Variants in CSTPP1 observed in about 807,000 individuals in gnomAD.
CSTPP1 encodes UPF0705 protein C11orf49.
chr11:47,036,242 TTA>T, the CSTPP1 span, among the ~76,000 whole-genome samples: 5 of 45,178 alleles, frequency 1.1e-4, 1 homozygote, highest in Admixed American at 1.0e-3. Context: ...TATATTATAT[TTA>T]TATATTATAT....
the CSTPP1 span, among the ~76,000 whole-genome samples, chr11:47,158,800 A>C: frequency 5.3e-5 from 8 of 152,210 alleles, no homozygotes; most frequent in East Asian, 1.5e-3. Context: ...CTCCCAAAGT[A>C]CTGGGATTAC....
the CSTPP1 span, among the ~76,000 whole-genome samples, chr11:47,079,070 G>A: frequency 2.6e-5 from 4 of 152,174 alleles, no homozygotes; most frequent in Non-Finnish European, 5.9e-5. Flanking sequence ...GCTTGCTCAA[G>A]GAGAGTCAGT....
At chr11:47,101,197 T>TTTTTTTTTTTG in the CSTPP1 span, among the ~76,000 whole-genome samples, 1 of 136,820 alleles carries the variant, frequency 7.3e-6, no homozygotes, top group Admixed American at 7.5e-5. Flanking sequence ...TTTATTTTAT[T>TTTTTTTTTTTG]TTTAGTAGAG....
the CSTPP1 span, among the ~76,000 whole-genome samples, chr11:47,028,166 G>A: frequency 6.6e-6 from 1 of 152,000 alleles, no homozygotes; most frequent in Non-Finnish European, 1.5e-5. Context: ...CTTGTGATCC[G>A]CCCGCCTCGG....
the CSTPP1 span, among the ~76,000 whole-genome samples, chr11:46,941,917 A>G: frequency 6.6e-6 from 1 of 152,224 alleles, no homozygotes; most frequent in African/African-American, 2.4e-5. Flanking sequence ...CTTTAGGATT[A>G]TGGTGTAAAT....
At chr11:47,123,805 A>G in the CSTPP1 span, among the ~76,000 whole-genome samples, 1 of 152,196 alleles carries the variant, frequency 6.6e-6, no homozygotes, top group Non-Finnish European at 1.5e-5. Flanking sequence ...ATTCAAGACC[A>G]GCCTGGCCAA....
At chr11:47,017,948 G>A in the CSTPP1 span, among the ~76,000 whole-genome samples, 3 of 152,172 alleles carry the variant, frequency 2.0e-5, no homozygotes, top group Admixed American at 6.5e-5. Context: ...TATTACAGGC[G>A]TGAGCCACTG....
the CSTPP1 span, chr11:47,052,461 A>G: frequency 6.2e-7 from 1 of 1,613,888 alleles, no homozygotes; most frequent in African/African-American, 1.3e-5. Context: ...CCCCCACAAT[A>G]GGGTATCATT....
chr11:46,966,320 C>T, the CSTPP1 span, among the ~76,000 whole-genome samples: 2 of 152,170 alleles, frequency 1.3e-5, no homozygotes, highest in African/African-American at 4.8e-5. Context: ...GGATTACAGG[C>T]GTGAGCCACC....
At chr11:47,074,430 G>T in the CSTPP1 span, among the ~76,000 whole-genome samples, 1 of 150,600 alleles carries the variant, frequency 6.6e-6, no homozygotes, top group Non-Finnish European at 1.5e-5. Context: ...AGCTCAGGAG[G>T]TTGAGGCTGC....
the CSTPP1 span, among the ~76,000 whole-genome samples, chr11:47,010,813 G>C: frequency 6.6e-6 from 1 of 152,114 alleles, no homozygotes; most frequent in Non-Finnish European, 1.5e-5. Flanking sequence ...GTAATATTTA[G>C]ATTTTGTTTG....
At chr11:47,048,188 CAG>C in the CSTPP1 span, among the ~76,000 whole-genome samples, 1 of 152,174 alleles carries the variant, frequency 6.6e-6, no homozygotes, top group Non-Finnish European at 1.5e-5. Context: ...GGAACTGAAA[CAG>C]ATACTTGTAT....
At chr11:47,041,796 G>T in the CSTPP1 span, 1 of 496,854 alleles carries the variant, frequency 2.0e-6, no homozygotes, top group South Asian at 1.8e-5. Flanking sequence ...CTGTGGAGAT[G>T]ATCAGAATAC....
At chr11:47,157,303 T>G in the CSTPP1 span, 3 of 1,425,908 alleles carry the variant, frequency 2.1e-6, no homozygotes, top group Admixed American at 2.8e-5. Flanking sequence ...CAGGATGTTC[T>G]GCGCGGCCCA....
chr11:47,093,190 G>A, the CSTPP1 span, among the ~76,000 whole-genome samples: 2 of 152,182 alleles, frequency 1.3e-5, no homozygotes, highest in Admixed American at 6.5e-5. Flanking sequence ...AGATATAAGT[G>A]TAATAAATAT....
the CSTPP1 span, among the ~76,000 whole-genome samples, chr11:47,058,348 T>C: frequency 6.6e-6 from 1 of 151,164 alleles, no homozygotes; most frequent in South Asian, 2.1e-4. Context: ...CAAAACAAAA[T>C]AAAATTACCA....
the CSTPP1 span, among the ~76,000 whole-genome samples, chr11:47,001,508 GT>G: frequency 1.9e-4 from 28 of 148,166 alleles, no homozygotes; most frequent in South Asian, 1.9e-3. Context: ...GTGCATACCC[GT>G]TTTTTTTTTC....
At chr11:47,051,114 C>G in the CSTPP1 span, among the ~76,000 whole-genome samples, 24 of 152,206 alleles carry the variant, frequency 1.6e-4, no homozygotes, top group East Asian at 3.9e-4. Context: ...TTTTTCCCCC[C>G]CTTTATATGG....
chr11:47,099,238 G>C, the CSTPP1 span, among the ~76,000 whole-genome samples: 1 of 152,104 alleles, frequency 6.6e-6, no homozygotes, highest in African/African-American at 2.4e-5. Context: ...CCTAAATAAT[G>C]ATACTACCTC....
Sources: gnomAD v4.1 joint callset for allele counts (sites outside exome capture counted in the v4.1 genomes callset) on GRCh38, gnomAD v4.1.1 for gene constraint, MANE v1.5 for transcripts, NCBI Gene and HGNC (gene_info 2026-07-23, HGNC 2026-07-21) for gene names.